The following NEDD9 variants were observed in gnomAD, a reference collection of about 807,000 sequenced individuals.
NEDD9 encodes the protein enhancer of filamentation 1.
NEDD9 carries 26 observed loss-of-function variants against 76.6 expected under a neutral mutation model. That is an observed-to-expected ratio of 0.34 (90% confidence interval 0.25 to 0.47). NEDD9 has a LOEUF of 0.47. Ranked by LOEUF, NEDD9 falls within the 20% of genes least tolerant of loss-of-function variation. NEDD9 has a pLI of 1.00. For synonymous variants in NEDD9, 392 were observed against 414.2 expected (o/e 0.95, Z 0.65); for missense variants, 937 against 1,058.5 (o/e 0.89, Z 1.59).
intron 3 of NEDD9, among the ~76,000 whole-genome samples, chr6:11,257,086 G>A (rs1053816193): frequency 6.6e-6 from 1 of 152,160 alleles, no homozygotes; most frequent in African/African-American, 2.4e-5. Context: ...TGGACTCTTG[G>A]TCCCAGACCA....
In NEDD9 at chr6:11,336,565, T is replaced by C. The variant is rs142175447; in HGVS notation, c.-213-2004A>G. On this transcript the variant is annotated intron_variant, in intron 1 of 3. Transcript: ENST00000397378. ...ATAGAGCAGCTACCATGAATGGTGCTTGCAGGACTGGAAATTGCTCTGGGT... is the reference window on the plus strand; with the variant it reads ...ATAGAGCAGCTACCATGAATGGTGCCTGCAGGACTGGAAATTGCTCTGGGT... Among the ~76,000 whole-genome samples the C allele has an allele frequency of 2.1e-3, 323 of 152,334 alleles. 4 individuals carry two copies. The highest frequency in any genetic ancestry group is 7.1e-3 in the African/African-American group (297 of 41,580).
Position 11,213,628 on chromosome 6 carries a change from C to G in NEDD9, c.112G>C (p.Gly38Arg). 6.2e-7 allele frequency: 1 copy of G among 1,614,202 alleles called. No homozygotes were observed. Among genetic ancestry groups the G allele is most frequent in the Non-Finnish European group, 8.5e-7 (1 of 1,180,038 alleles). Reference protein sequence around the residue: ...DILTVIEQNTGGLEGWWLCSL... With the variant: ...DILTVIEQNTRGLEGWWLCSL... ...CACAGCCACCATCCTTCCAGTCCCC[C>G]TGTGTTCTGCTCTATGACGGTCAGG... Residue 38 changes from glycine to arginine, a missense_variant, in exon 2 of 7, where the codon GGG becomes CGG. Coordinates refer to ENST00000379446, the MANE Select transcript of NEDD9 (RefSeq NM_006403.4). This position sits in a 1 kb window ranked among gnomAD's most constrained non-coding sequence, Gnocchi z 5.4.
At chr6:11,283,860 G>A (rs1016300294) in intron 3 of NEDD9, among the ~76,000 whole-genome samples, 1 of 152,170 alleles carries the variant, frequency 6.6e-6, no homozygotes, top group African/African-American at 2.4e-5. Context: ...GTGTGCAAGG[G>A]TGGATGGTAG....
intron 1 of NEDD9, among the ~76,000 whole-genome samples, chr6:11,360,536 C>T (rs1212238808): frequency 6.7e-6 from 1 of 148,528 alleles, no homozygotes; most frequent in Non-Finnish European, 1.5e-5. Context: ...TGCTGTTCTC[C>T]TGATAGTGAG....
intron 3 of NEDD9, among the ~76,000 whole-genome samples, chr6:11,292,602 C>T (rs941147679): frequency 5.3e-5 from 8 of 152,202 alleles, no homozygotes; most frequent in Non-Finnish European, 1.5e-5. Context: ...AAATTTCTGT[C>T]TGCACAAAAT....
At chr6:11,323,830 C>CT (rs767174378) in intron 2 of NEDD9, among the ~76,000 whole-genome samples, 3 of 152,228 alleles carry the variant, frequency 2.0e-5, no homozygotes, top group East Asian at 1.9e-4. Context: ...CATTAACCAC[C>CT]TTGCACGTCA....
chr6:11,348,972 C>T (rs1353748049), intron 1 of NEDD9, among the ~76,000 whole-genome samples: 1 of 152,066 alleles, frequency 6.6e-6, no homozygotes, highest in East Asian at 1.9e-4. Flanking sequence ...GAAACTATCA[C>T]CATAGGGAAC....
rs116974014 is a variant in NEDD9, at chr6:11,309,756, G to A, written c.-152-3601C>T. 4.0e-3 allele frequency among the ~76,000 whole-genome samples: 614 copies of A among 152,166 alleles called. 6 individuals carry two copies. In the East Asian group the frequency reaches 0.052, roughly 13 times the overall value. On this transcript the variant is annotated intron_variant, in intron 2 of 3. Coordinates refer to the NEDD9 transcript ENST00000397378. ...TTTTTCTTCTCCTTTATTTGTATAT[G>A]AAGATACTGAAGTGAATATGGTAAC...
chr6:11,204,207 C>T (rs1054888121), intron 2 of NEDD9, among the ~76,000 whole-genome samples: 8 of 152,138 alleles, frequency 5.3e-5, no homozygotes, highest in Non-Finnish European at 7.4e-5. Context: ...AGCAGTGCAG[C>T]GGTATACGTT....
intron 1 of NEDD9, among the ~76,000 whole-genome samples, chr6:11,346,005 T>C (rs1184690297): frequency 6.6e-6 from 1 of 152,210 alleles, no homozygotes; most frequent in East Asian, 1.9e-4. Context: ...CCTCCCTATC[T>C]AAGGCATCTC....
chr6:11,294,206 C>T lies in NEDD9; in HGVS notation c.12+11786G>A, dbSNP rs763499838. On this transcript the variant is annotated intron_variant, in intron 3 of 3. Coordinates refer to the NEDD9 transcript ENST00000397378. ...GGATATATACCCAGAAGTGGAGTTA[C>T]TGCTACATATGATAATTGTATTTTT... Among the ~76,000 whole-genome samples the T allele has an allele frequency of 7.6e-4, 116 of 152,242 alleles. 2 individuals are homozygous for T. The highest frequency in any genetic ancestry group is 3.4e-3 in the Middle Eastern group (1 of 294).
intron 3 of NEDD9, among the ~76,000 whole-genome samples, chr6:11,285,955 C>T (rs996391632): frequency 6.6e-6 from 1 of 152,038 alleles, no homozygotes; most frequent in African/African-American, 2.4e-5. Flanking sequence ...AGTTACCACA[C>T]CAAAAGCACA....
intron 3 of NEDD9, among the ~76,000 whole-genome samples, chr6:11,268,709 C>A (rs1300352962): frequency 1.3e-5 from 2 of 150,662 alleles, no homozygotes; most frequent in Admixed American, 6.6e-5. Flanking sequence ...GCCTGGGCAA[C>A]AAGAACGAAG....
chr6:11,354,223 A>G (rs1156559132), intron 1 of NEDD9, among the ~76,000 whole-genome samples: 3 of 152,232 alleles, frequency 2.0e-5, no homozygotes, highest in African/African-American at 7.2e-5. Flanking sequence ...TTCTTTGTGT[A>G]CAGGACGCAT....
At chr6:11,317,981 C>G (rs1761627013) in intron 2 of NEDD9, among the ~76,000 whole-genome samples, 1 of 152,162 alleles carries the variant, frequency 6.6e-6, no homozygotes, top group Admixed American at 6.5e-5. Context: ...GTGGACCTTC[C>G]CCTGAGCAAG....
At chr6:11,301,844 T>A (rs1390520710) in intron 3 of NEDD9, among the ~76,000 whole-genome samples, 1 of 152,158 alleles carries the variant, frequency 6.6e-6, no homozygotes, top group Non-Finnish European at 1.5e-5. Context: ...CACACCAGAA[T>A]CTCTGGGATA....
rs146310333 is a variant in NEDD9 at position 11,193,654 on chromosome 6, G to A, written c.498C>T (p.Tyr166=). ...CCTTTTGGTATCTGGATGGGTACTCGTATACGTAGCCATGGCCTGTCCTCA... is the reference window on the plus strand; with the variant it reads ...CCTTTTGGTATCTGGATGGGTACTCATATACGTAGCCATGGCCTGTCCTCA... The part of the protein sequence containing the change: ...TPVRTGHGYV[Y]EYPSRYQKDV... The change falls in exon 3 of 7, where the codon TAC becomes TAT. Residue 166 remains tyrosine, a synonymous_variant. Coordinates refer to ENST00000379446, the MANE Select transcript of NEDD9 (RefSeq NM_006403.4). 1.3e-4 allele frequency: 206 copies of A among 1,613,828 alleles called. No homozygotes were observed. Among genetic ancestry groups the A allele is most frequent in the Middle Eastern group, 6.6e-4 (4 of 6,080 alleles).
At chr6:11,193,425 T>C (rs1758211036) in intron 3 of NEDD9, among the ~76,000 whole-genome samples, 166 bp downstream of exon 3, 1 of 151,984 alleles carries the variant, frequency 6.6e-6, no homozygotes, top group Non-Finnish European at 1.5e-5. Context: ...CCAGAAAACA[T>C]AATTTAAATA....
At chr6:11,360,859 C>T (rs759977158) in intron 1 of NEDD9, among the ~76,000 whole-genome samples, 2 of 152,158 alleles carry the variant, frequency 1.3e-5, no homozygotes, top group African/African-American at 4.8e-5. Context: ...CAAGAAACAA[C>T]AATGAGCACT....
Sources: gnomAD v4.1 joint callset for allele counts (sites outside exome capture counted in the v4.1 genomes callset) on GRCh38, gnomAD v4.1.1 for gene constraint, Gnocchi (gnomAD v3.1) non-coding constraint, MANE v1.5 for transcripts, NCBI Gene and HGNC (gene_info 2026-07-23, HGNC 2026-07-21) for gene names.